Variants in LRRC7 observed in about 807,000 individuals in gnomAD.
LRRC7 encodes leucine-rich repeat-containing protein 7.
A neutral mutation model predicts 175.7 loss-of-function variants in LRRC7; 23 were observed. That is an observed-to-expected ratio of 0.13 (90% CI 0.09 to 0.19). The LOEUF (loss-of-function observed/expected upper bound fraction) is 0.19. Ranked by LOEUF, LRRC7 falls within the 10% of genes least tolerant of loss-of-function variation. The pLI, the probability that LRRC7 is intolerant of heterozygous loss-of-function variation, is 1.00. For synonymous variants in LRRC7, 685 were observed against 680.9 expected (o/e 1.01, Z -0.09); for missense variants, 1,354 against 1,904.7 (o/e 0.71, Z 5.38).
intron 25 of LRRC7, among the ~76,000 whole-genome samples, chr1:70,097,039 T>C (rs1664456337): frequency 6.6e-6 from 1 of 152,250 alleles, no homozygotes; most frequent in African/African-American, 2.4e-5. Context: ...GTGTCCTTTT[T>C]CTTTAACCTA....
rs987491018 is a variant in LRRC7 at position 70,142,476 on chromosome 1, T to C, written c.*20589T>C. Reference sequence around the variant, plus strand: ...TAATTGACAGATAAACAGATAGTTTTTGTTTGAAGAGCCAATCAAGTTTCT... The same window carrying C: ...TAATTGACAGATAAACAGATAGTTTCTGTTTGAAGAGCCAATCAAGTTTCT... On this transcript the variant is annotated 3_prime_UTR_variant, in exon 27 of 27. Transcript: ENST00000651989. 8 of 152,154 alleles carry C rather than the reference T, an allele frequency of 5.3e-5. No homozygotes were observed. The highest frequency in any genetic ancestry group is 7.4e-5 in the Non-Finnish European group (5 of 68,002). The allele number at this position is 152,154 out of a possible 1,614,324, so 9.4% of individuals were successfully genotyped here.
At chr1:69,905,544 G>A (rs1230300822) in intron 7 of LRRC7, among the ~76,000 whole-genome samples, 1 of 152,130 alleles carries the variant, frequency 6.6e-6, no homozygotes, top group Non-Finnish European at 1.5e-5. Context: ...TGCTGAAAAT[G>A]ATGGTTTCCA....
At chr1:69,763,793 G>T (rs939202617) in intron 3 of LRRC7, among the ~76,000 whole-genome samples, 1 of 151,986 alleles carries the variant, frequency 6.6e-6, no homozygotes, top group Non-Finnish European at 1.5e-5. Flanking sequence ...AATTATTTTT[G>T]TCTGCCATTT....
chr1:69,987,999 T>G (rs548619296), intron 10 of LRRC7, among the ~76,000 whole-genome samples: 4 of 152,158 alleles, frequency 2.6e-5, no homozygotes, highest in Non-Finnish European at 5.9e-5. Context: ...TAGATGAAAC[T>G]TGTGATCAGA....
chr1:70,053,248 A>T, intron 23 of LRRC7, 103 bp downstream of exon 23: 1 of 1,138,704 alleles, frequency 8.8e-7, no homozygotes, highest in Non-Finnish European at 1.2e-6. Context: ...AGTTTGTGAT[A>T]ACTTTAAGGT....
At chr1:69,747,273 A>T (rs1570607176) in intron 2 of LRRC7, among the ~76,000 whole-genome samples, 1 of 152,148 alleles carries the variant, frequency 6.6e-6, no homozygotes, top group East Asian at 1.9e-4. Context: ...TGAAAATGAT[A>T]AGGAAAGTAA....
intron 2 of LRRC7, among the ~76,000 whole-genome samples, chr1:69,750,154 A>G (rs1362658473): frequency 3.3e-5 from 5 of 151,886 alleles, no homozygotes; most frequent in African/African-American, 7.2e-5. Context: ...AATCTTGTAG[A>G]GCACCCTTTC....
At chr1:69,923,646 GTTAT>G (rs1392332769) in intron 7 of LRRC7, among the ~76,000 whole-genome samples, 1 of 152,168 alleles carries the variant, frequency 6.6e-6, no homozygotes, top group Non-Finnish European at 1.5e-5. Flanking sequence ...TTTTGATGGT[GTTAT>G]TTGTTTTTTT....
At chr1:70,058,775 A>G (rs1443612785) in intron 23 of LRRC7, among the ~76,000 whole-genome samples, 1 of 152,238 alleles carries the variant, frequency 6.6e-6, no homozygotes, top group African/African-American at 2.4e-5. Context: ...GTAACAGAAA[A>G]TAATATGAAG....
In LRRC7 at chr1:70,128,688, C is replaced by CAT. The variant is rs1228122106; in HGVS notation, c.*6804_*6805dup. 1 of 152,114 alleles carries CAT rather than the reference C, an allele frequency of 6.6e-6. No individual in the cohort carries two copies. The highest frequency in any genetic ancestry group is 2.4e-5 in the African/African-American group (1 of 41,416). 9.4% of individuals were successfully genotyped at this position (152,114 alleles called of 1,614,324 possible). A position where few individuals can be genotyped will look rare whatever the true frequency, so the allele number is the denominator to read the frequency against. ...ATAAATATTTGTTGGGCATCAACTACATATCAGGTACTATGAGGGATGTAA... is the reference window on the plus strand; with the variant it reads ...ATAAATATTTGTTGGGCATCAACTACATATATCAGGTACTATGAGGGATGTAA... On this transcript the variant is annotated 3_prime_UTR_variant, in exon 27 of 27. Transcript: ENST00000651989.
At chr1:69,906,842 A>T (rs1348624775) in intron 7 of LRRC7, among the ~76,000 whole-genome samples, 1 of 152,182 alleles carries the variant, frequency 6.6e-6, no homozygotes, top group Non-Finnish European at 1.5e-5. Flanking sequence ...TCTATAAATT[A>T]CCTTGCGCAA....
intron 11 of LRRC7, among the ~76,000 whole-genome samples, chr1:70,007,417 ATTGT>A (rs1207519656): frequency 1.3e-5 from 2 of 152,216 alleles, no homozygotes; most frequent in Non-Finnish European, 2.9e-5. Context: ...AAACATTATG[ATTGT>A]TCTTAGAAAA....
chr1:69,856,217 G>C (rs180895131), intron 7 of LRRC7, among the ~76,000 whole-genome samples: 1 of 152,170 alleles, frequency 6.6e-6, no homozygotes, highest in Non-Finnish European at 1.5e-5. Flanking sequence ...TTTCTTAAGA[G>C]CAAACACATT....
At chr1:69,682,990 A>C (rs559612643) in intron 2 of LRRC7, among the ~76,000 whole-genome samples, 1 of 152,280 alleles carries the variant, frequency 6.6e-6, no homozygotes, top group South Asian at 2.1e-4. Flanking sequence ...GATGACTCAC[A>C]AATTGATGTC....
intron 5 of LRRC7, among the ~76,000 whole-genome samples, chr1:69,828,812 T>C: frequency 6.6e-6 from 1 of 152,052 alleles, no homozygotes; most frequent in Non-Finnish European, 1.5e-5. Flanking sequence ...ACTTCTACGT[T>C]GTGTTCTTAT....
chr1:70,027,547 T>C (rs1371791237), intron 17 of LRRC7, among the ~76,000 whole-genome samples: 1 of 152,206 alleles, frequency 6.6e-6, no homozygotes, highest in Non-Finnish European at 1.5e-5. Flanking sequence ...AGAAGCATGT[T>C]ACTTTCTTAG....
intron 1 of LRRC7, among the ~76,000 whole-genome samples, chr1:69,612,571 T>C (rs1183124415): frequency 2.6e-5 from 4 of 152,004 alleles, no homozygotes; most frequent in African/African-American, 7.2e-5. Flanking sequence ...CTTGTTACTG[T>C]CATAGAAGCT....
In LRRC7 at chr1:70,129,099, T is replaced by C. The variant is rs1463889873; in HGVS notation, c.*7212T>C. Among the ~76,000 whole-genome samples the C allele has an allele frequency of 6.6e-6, 1 of 151,968 alleles. No homozygotes were observed. Among genetic ancestry groups the C allele is most frequent in the African/African-American group, 2.4e-5 (1 of 41,364 alleles). The stretch of plus-strand genomic sequence containing the variant: ...CATCTCTACTAAAAATATGAAAAAT[T>C]AGCCGGGCATTGTGGCGCGCACCTG... On this transcript the variant is annotated 3_prime_UTR_variant, in exon 27 of 27. Coordinates refer to ENST00000651989, the MANE Select transcript of LRRC7 (RefSeq NM_001370785.2).
intron 7 of LRRC7, among the ~76,000 whole-genome samples, chr1:69,929,642 A>T (rs1435988647): frequency 6.6e-6 from 1 of 151,916 alleles, no homozygotes; most frequent in African/African-American, 2.4e-5. Flanking sequence ...AGCCACCATC[A>T]CCTCTTATTT....
Sources: gnomAD v4.1 joint callset for allele counts (sites outside exome capture counted in the v4.1 genomes callset) on GRCh38, gnomAD v4.1.1 for gene constraint, MANE v1.5 for transcripts, NCBI Gene and HGNC (gene_info 2026-07-23, HGNC 2026-07-21) for gene names.